Variants in KIRREL3 observed in about 807,000 individuals in gnomAD.
KIRREL3 encodes kin of IRRE-like protein 3.
In KIRREL3, 36 loss-of-function variants were observed where a neutral mutation model predicts 89.7. The ratio of observed to expected loss-of-function variants is 0.40; its 90% CI spans 0.31 to 0.53. KIRREL3 has a LOEUF of 0.53. KIRREL3 is among the 20% of genes least tolerant of loss of function. KIRREL3 has a pLI of 0.49. For missense variants in KIRREL3, 864 were observed against 1,056.6 expected, an observed-to-expected ratio of 0.82 and a Z score of 2.53; for synonymous variants, 445 against 441.4, an observed-to-expected ratio of 1.01 and a Z score of -0.10.
At chr11:126,809,920 G>A (rs1030785597) in intron 1 of KIRREL3, among the ~76,000 whole-genome samples, 3 of 152,204 alleles carry the variant, frequency 2.0e-5, no homozygotes, top group Admixed American at 6.5e-5. Context: ...TTTGGCAAAC[G>A]AGGTTGTCCT....
intron 1 of KIRREL3, among the ~76,000 whole-genome samples, chr11:126,827,233 A>C (rs1325846390): frequency 6.6e-6 from 1 of 151,550 alleles, no homozygotes; most frequent in Non-Finnish European, 1.5e-5. Flanking sequence ...GCTGGAGTGC[A>C]GTGGCACGAT....
intron 4 of KIRREL3, among the ~76,000 whole-genome samples, chr11:126,510,405 G>A (rs1958178390): frequency 7.2e-6 from 1 of 137,978 alleles, no homozygotes; most frequent in South Asian, 2.3e-4. Context: ...GATAAGAAAT[G>A]TCCTCCCTGA....
rs978662139 is a variant in KIRREL3 at position 126,440,214 on chromosome 11, G to A, written c.1353+235C>T. On this transcript the variant is annotated intron_variant, in intron 11 of 16. Coordinates refer to ENST00000525144, the MANE Select transcript of KIRREL3 (RefSeq NM_032531.4). ...GCGGAATTTGGTCAGAGCCGTTCAT[G>A]TCAGAGCTCAGCAGAATGGCAGCTG... 5.8e-6 allele frequency: 4 copies of A among 692,454 alleles called. No individual in the cohort carries two copies. In the African/African-American group the frequency reaches 7.0e-5, roughly 12 times the overall value. 42.9% of individuals were successfully genotyped at this position (692,454 alleles called of 1,614,324 possible). A position where few individuals can be genotyped will look rare whatever the true frequency, so the allele number is the denominator to read the frequency against.
At chr11:126,936,450 A>G (rs544217879) in intron 1 of KIRREL3, 30 of 152,268 alleles carry the variant, frequency 2.0e-4, no homozygotes, top group African/African-American at 6.5e-4. Context: ...TGTTCACGGC[A>G]GCATTATTCA....
intron 12 of KIRREL3, 85 bp from the exon 13 acceptor site, chr11:126,435,388 G>T: frequency 1.5e-6 from 2 of 1,342,306 alleles, no homozygotes; most frequent in African/African-American, 1.4e-5. Context: ...CTTGAGCGGG[G>T]CTGGGTGAGG....
intron 1 of KIRREL3, among the ~76,000 whole-genome samples, chr11:126,621,602 C>G (rs1374317091): frequency 6.6e-6 from 1 of 152,012 alleles, no homozygotes; most frequent in African/African-American, 2.4e-5. Flanking sequence ...TTATAAGAAC[C>G]ATCTTGGTTG....
chr11:126,670,516 C>T (rs1479845124), intron 1 of KIRREL3, among the ~76,000 whole-genome samples: 1 of 152,112 alleles, frequency 6.6e-6, no homozygotes. Flanking sequence ...ATAAAACTGT[C>T]TTTATTCTCG....
rs1016326315 is a variant in KIRREL3 at position 126,766,798 on chromosome 11, G to A, written c.56-203886C>T. Among the ~76,000 whole-genome samples the A allele has an allele frequency of 1.3e-5, 2 of 152,220 alleles. No individual in the cohort carries two copies. The highest frequency in any genetic ancestry group is 4.8e-5 in the African/African-American group (2 of 41,466). ...ATCATAAAGTGCTGTTGATAATTGT[G>A]ATAGTTAAAGTGATTTGCTTACAGT... On this transcript the variant is annotated intron_variant, in intron 1 of 16. Coordinates refer to ENST00000525144, the MANE Select transcript of KIRREL3 (RefSeq NM_032531.4). The surrounding 1 kb of genome is among the most constrained non-coding windows in gnomAD (Gnocchi z 4.2).
Position 126,903,576 on chromosome 11 carries a change from A to C in KIRREL3, c.55+96879T>G, listed in dbSNP as rs1946456897. Among the ~76,000 whole-genome samples, 1 of 152,176 alleles carries C rather than the reference A, an allele frequency of 6.6e-6. No individual in the cohort carries two copies. The highest frequency in any genetic ancestry group is 1.9e-4 in the East Asian group (1 of 5,184). ...ATTTCTGGCCTTGACTGCTGAGTTT[A>C]TTACTACCCATAACCCTGGCCTAAG... On this transcript the variant is annotated intron_variant, in intron 1 of 16. Coordinates refer to ENST00000525144, the MANE Select transcript of KIRREL3 (RefSeq NM_032531.4). This position sits in a 1 kb window ranked among gnomAD's most constrained non-coding sequence, Gnocchi z 4.5.
At chr11:126,733,054 T>C (rs945936630) in intron 1 of KIRREL3, among the ~76,000 whole-genome samples, 3 of 152,208 alleles carry the variant, frequency 2.0e-5, no homozygotes, top group East Asian at 3.9e-4. Context: ...GCTTGAGATA[T>C]TTTGAGCATT....
intron 1 of KIRREL3, among the ~76,000 whole-genome samples, chr11:126,756,485 G>T (rs1949504968): frequency 6.6e-6 from 1 of 152,254 alleles, no homozygotes; most frequent in South Asian, 2.1e-4. Flanking sequence ...CCCTTAGAAG[G>T]CATGTCTTCT....
chr11:126,712,788 C>T (rs1947813802), intron 1 of KIRREL3, among the ~76,000 whole-genome samples: 1 of 152,208 alleles, frequency 6.6e-6, no homozygotes, highest in Non-Finnish European at 1.5e-5. Context: ...CCGTTTTTGT[C>T]ATCCTCGTTC....
chr11:126,429,059 G>A lies in KIRREL3; in HGVS notation c.1806+120C>T, dbSNP rs1955037402. 1.5e-6 allele frequency: 1 copy of A among 651,994 alleles called. No individual in the cohort carries two copies. Among genetic ancestry groups the A allele is most frequent in the Admixed American group, 2.4e-5 (1 of 40,848 alleles). The allele number at this position is 651,994 out of a possible 1,614,324, so 40.4% of individuals were successfully genotyped here. A position where few individuals can be genotyped will look rare whatever the true frequency, so the allele number is the denominator to read the frequency against. On this transcript the variant is annotated intron_variant, in intron 15 of 16. Coordinates refer to ENST00000525144, the MANE Select transcript of KIRREL3 (RefSeq NM_032531.4). This position sits in a 1 kb window ranked among gnomAD's most constrained non-coding sequence, Gnocchi z 5.2. ...TGCCTCACCTATTGTGGGGTGGGCA[G>A]GGGGCATCTTGAACGCTGCTCTGCT...
chr11:126,677,608 A>G lies in KIRREL3; in HGVS notation c.56-114696T>C, dbSNP rs369552702. 2.3e-3 allele frequency among the ~76,000 whole-genome samples: 353 copies of G among 152,284 alleles called. 6 individuals carry two copies. The South Asian group carries it at 0.028, about 12-fold the overall frequency. ...GGGGCACCCAGCTCTGTCTGGCTGC[A>G]TTCGCTGAGCTGTCGCTGTGCTAGG... On this transcript the variant is annotated intron_variant, in intron 1 of 16. Coordinates refer to ENST00000525144, the MANE Select transcript of KIRREL3 (RefSeq NM_032531.4). The surrounding 1 kb of genome is among the most constrained non-coding windows in gnomAD (Gnocchi z 5.1).
At position 127,000,518 on chromosome 11, in the gene KIRREL3, G is replaced by A; in HGVS notation, c.-9C>T. 3.1e-6 allele frequency: 5 copies of A among 1,603,044 alleles called. No individual in the cohort carries two copies. Among genetic ancestry groups the A allele is most frequent in the South Asian group, 1.1e-5 (1 of 88,624 alleles). ...AGCTGGAAGGGTTTCATTCCTTAGC[G>A]CAGCGAAGGAAAGCCGGCGGGGTAA... On this transcript the variant is annotated 5_prime_UTR_variant, in exon 1 of 17. Coordinates refer to ENST00000525144, the MANE Select transcript of KIRREL3 (RefSeq NM_032531.4). The surrounding 1 kb of genome is among the most constrained non-coding windows in gnomAD (Gnocchi z 7.1).
At chr11:126,975,698 A>G (rs1434483016) in intron 1 of KIRREL3, among the ~76,000 whole-genome samples, 2 of 152,174 alleles carry the variant, frequency 1.3e-5, no homozygotes, top group African/African-American at 2.4e-5. Flanking sequence ...GAACTAATTA[A>G]TCAGACTCTC....
At chr11:126,678,696 T>A (rs1946314317) in intron 1 of KIRREL3, among the ~76,000 whole-genome samples, 1 of 149,288 alleles carries the variant, frequency 6.7e-6, no homozygotes, top group Non-Finnish European at 1.5e-5. Context: ...AAGGGAGTGA[T>A]CTTACAGAAT....
rs373421868 is a variant in KIRREL3 at position 126,923,130 on chromosome 11, T to TCCTTCTC, written c.55+77324_55+77325insGAGAAGG. Reference sequence around the variant, plus strand: ...CTTCTCCTTCTCCTTCTCCTTCTTCTCTTCTTCTTCTTCTTCTTCTTCTTC... The same window carrying TCCTTCTC: ...CTTCTCCTTCTCCTTCTCCTTCTTCTCCTTCTCCTTCTTCTTCTTCTTCTTCTTCTTC... On this transcript the variant is annotated intron_variant, in intron 1 of 16. Transcript: ENST00000525144. Among the ~76,000 whole-genome samples the TCCTTCTC allele has an allele frequency of 7.2e-3, 117 of 16,234 alleles. 13 individuals carry two copies. Among genetic ancestry groups the TCCTTCTC allele is most frequent in the African/African-American group, 0.016 (62 of 3,962 alleles). 10.7% of individuals were successfully genotyped at this position (16,234 alleles called of 152,430 possible).
At chr11:126,510,639 T>C (rs976559564) in intron 4 of KIRREL3, among the ~76,000 whole-genome samples, 16 of 152,094 alleles carry the variant, frequency 1.1e-4, no homozygotes, top group African/African-American at 2.4e-5. Flanking sequence ...AGAGTAAATC[T>C]ATTGTGCTTC....
Sources: gnomAD v4.1 joint callset for allele counts (sites outside exome capture counted in the v4.1 genomes callset) on GRCh38, gnomAD v4.1.1 for gene constraint, Gnocchi (gnomAD v3.1) non-coding constraint, MANE v1.5 for transcripts, NCBI Gene and HGNC (gene_info 2026-07-23, HGNC 2026-07-21) for gene names.